NELL1: variants seen among roughly 807,000 people sequenced by gnomAD.
NELL1 encodes neural EGFL like 1.
A neutral mutation model predicts 107.4 loss-of-function variants in NELL1; 76 were observed. That is an observed-to-expected ratio of 0.71 (90% CI 0.59 to 0.86). The LOEUF (loss-of-function observed/expected upper bound fraction) is 0.86. Ranked by LOEUF, NELL1 falls within the 40% of genes least tolerant of loss-of-function variation. NELL1 has a pLI of 0.00. For missense variants in NELL1, 1,024 were observed against 1,005.5 expected, an observed-to-expected ratio of 1.02 and a Z score of -0.25; for synonymous variants, 353 against 341.2, an observed-to-expected ratio of 1.03 and a Z score of -0.38.
At chr11:20,676,551 T>G (rs945562665) in intron 1 of NELL1, among the ~76,000 whole-genome samples, 2 of 152,226 alleles carry the variant, frequency 1.3e-5, no homozygotes, top group African/African-American at 4.8e-5. Flanking sequence ...AGAAGGCAGT[T>G]ATAGACATTT....
intron 14 of NELL1, among the ~76,000 whole-genome samples, chr11:21,334,964 G>T (rs1850357635): frequency 6.6e-6 from 1 of 151,968 alleles, no homozygotes; most frequent in African/African-American, 2.4e-5. Context: ...GTTATCCATT[G>T]TTTCACAGTT....
intron 15 of NELL1, among the ~76,000 whole-genome samples, chr11:21,526,127 G>A (rs1855849297): frequency 6.6e-6 from 1 of 152,238 alleles, no homozygotes; most frequent in African/African-American, 2.4e-5. Flanking sequence ...TACAGTGGGA[G>A]TACAGGTAGT....
At chr11:20,723,547 G>A (rs1420296196) in intron 2 of NELL1, among the ~76,000 whole-genome samples, 4 of 152,182 alleles carry the variant, frequency 2.6e-5, no homozygotes, top group Non-Finnish European at 5.9e-5. Context: ...AGGGCCTTGG[G>A]CAGCTGCACC....
chr11:20,707,843 T>G (rs1855008067), intron 2 of NELL1, among the ~76,000 whole-genome samples: 1 of 152,218 alleles, frequency 6.6e-6, no homozygotes. Context: ...TCAAACTCCA[T>G]GCTGGGAGAA....
At chr11:20,815,560 T>C (rs1857606896) in intron 3 of NELL1, among the ~76,000 whole-genome samples, 1 of 152,218 alleles carries the variant, frequency 6.6e-6, no homozygotes, top group African/African-American at 2.4e-5. Flanking sequence ...ATTAGACCAT[T>C]GTTAGATACA....
At chr11:20,719,458 T>G (rs1030649846) in intron 2 of NELL1, among the ~76,000 whole-genome samples, 1 of 151,636 alleles carries the variant, frequency 6.6e-6, no homozygotes, top group African/African-American at 2.4e-5. Context: ...ACACATAGTT[T>G]TGGAAAAAGG....
intron 13 of NELL1, among the ~76,000 whole-genome samples, chr11:21,125,889 A>G (rs1855476415): frequency 1.3e-5 from 2 of 152,240 alleles, no homozygotes; most frequent in African/African-American, 4.8e-5. Context: ...TGCCCCAAGT[A>G]GGGTATTTAT....
chr11:21,443,104 C>T lies in NELL1; in HGVS notation c.1645+72156C>T, dbSNP rs570045084. Among the ~76,000 whole-genome samples the T allele has an allele frequency of 5.3e-5, 8 of 152,024 alleles. No homozygotes were observed. The East Asian group carries it at 9.7e-4, about 18-fold the overall frequency. On this transcript the variant is annotated intron_variant, in intron 15 of 19. Coordinates refer to ENST00000357134, the MANE Select transcript of NELL1 (RefSeq NM_006157.5). ...TGAGAAGTCCAAGATCCAAGATTGACGGGACATATCCAGTGAGGGTTTTCT... is the reference window on the plus strand; with the variant it reads ...TGAGAAGTCCAAGATCCAAGATTGATGGGACATATCCAGTGAGGGTTTTCT...
chr11:21,135,195 G>A (rs1411831992), intron 13 of NELL1, among the ~76,000 whole-genome samples: 2 of 152,190 alleles, frequency 1.3e-5, no homozygotes, highest in Non-Finnish European at 1.5e-5. Flanking sequence ...GGAACATGTA[G>A]ATCATAAGAG....
intron 14 of NELL1, among the ~76,000 whole-genome samples, chr11:21,242,491 A>G (rs1486205783): frequency 6.6e-6 from 1 of 152,162 alleles, no homozygotes; most frequent in Non-Finnish European, 1.5e-5. Flanking sequence ...GCAGGGGAGA[A>G]CACAGATATT....
At chr11:21,368,805 T>A (rs1162424976) in intron 14 of NELL1, among the ~76,000 whole-genome samples, 2 of 152,088 alleles carry the variant, frequency 1.3e-5, no homozygotes, top group African/African-American at 4.8e-5. Flanking sequence ...TGTCCGTGTT[T>A]CACAGTCATA....
Position 21,570,718 on chromosome 11 carries a change from A to C in NELL1, c.1981-46A>C, listed in dbSNP as rs367585314. 1.4e-5 allele frequency: 22 copies of C among 1,578,860 alleles called. No individual in the cohort carries two copies. In the Middle Eastern group the frequency reaches 5.1e-4, roughly 36 times the overall value. ...TTCATTTCTCTTAGTGTAGCTGTCCATCATGTCCTAAATGATGAAACCTCC... is the reference window on the plus strand; with the variant it reads ...TTCATTTCTCTTAGTGTAGCTGTCCCTCATGTCCTAAATGATGAAACCTCC... On this transcript the variant is annotated intron_variant, in intron 17 of 19. Coordinates refer to ENST00000357134, the MANE Select transcript of NELL1 (RefSeq NM_006157.5).
chr11:20,781,874 C>CAAAAAAAA (rs138345829), intron 2 of NELL1, among the ~76,000 whole-genome samples: 76 of 77,260 alleles, frequency 9.8e-4, no homozygotes, highest in African/African-American at 3.0e-3. Flanking sequence ...ACCAAAAATA[C>CAAAAAAAA]AAAAAAAAAA....
At chr11:20,999,040 A>G (rs1852155907) in intron 12 of NELL1, among the ~76,000 whole-genome samples, 1 of 152,172 alleles carries the variant, frequency 6.6e-6, no homozygotes, top group Admixed American at 6.6e-5. Context: ...CAGGTTTGCA[A>G]AAAAGACTCA....
intron 12 of NELL1, among the ~76,000 whole-genome samples, chr11:21,039,081 A>G (rs1004893372): frequency 1.2e-4 from 18 of 152,142 alleles, no homozygotes; most frequent in African/African-American, 3.9e-4. Context: ...TTGAAGTGAC[A>G]CTAGTGGGAG....
At chr11:21,248,349 A>T (rs76970943) in intron 14 of NELL1, among the ~76,000 whole-genome samples, 2 of 151,508 alleles carry the variant, frequency 1.3e-5, no homozygotes, top group African/African-American at 4.9e-5. Flanking sequence ...GTCAAAAAAA[A>T]AAAAGAAAAG....
chr11:20,900,735 C>T (rs891091781), intron 5 of NELL1, among the ~76,000 whole-genome samples: 4 of 151,962 alleles, frequency 2.6e-5, no homozygotes, highest in African/African-American at 9.7e-5. Flanking sequence ...TTATTAGCAA[C>T]CTGTTTATTA....
At chr11:21,079,022 AGTTAT>A (rs1854204691) in intron 12 of NELL1, among the ~76,000 whole-genome samples, 3 of 151,978 alleles carry the variant, frequency 2.0e-5, no homozygotes, top group Admixed American at 6.6e-5. Context: ...AACAACATTA[AGTTAT>A]AAGACTGATA....
chr11:21,288,438 C>A (rs1384297662), intron 14 of NELL1, among the ~76,000 whole-genome samples: 1 of 152,178 alleles, frequency 6.6e-6, no homozygotes, highest in Non-Finnish European at 1.5e-5. Flanking sequence ...ATGGCATCAA[C>A]AAGTTGTCTG....
Sources: gnomAD v4.1 joint callset for allele counts (sites outside exome capture counted in the v4.1 genomes callset) on GRCh38, gnomAD v4.1.1 for gene constraint, MANE v1.5 for transcripts, NCBI Gene and HGNC (gene_info 2026-07-23, HGNC 2026-07-21) for gene names.